Variants in COMMD10 observed in about 807,000 individuals in gnomAD.
COMMD10 encodes COMM domain containing 10.
A neutral mutation model predicts 28.9 loss-of-function variants in COMMD10; 33 were observed. That is an observed-to-expected ratio of 1.14 (90% CI 0.87 to 1.53). The LOEUF (loss-of-function observed/expected upper bound fraction) is 1.53. Among genes scored for constraint, COMMD10 ranks in the 40% most tolerant of loss-of-function variants. COMMD10 has a pLI of 0.00. For missense variants in COMMD10, 310 were observed against 233.4 expected (o/e 1.33, Z -2.14); for synonymous variants, 110 against 81.7 (o/e 1.35, Z -1.87).
chr5:116,221,569 A>G (rs996216664), intron 5 of COMMD10, among the ~76,000 whole-genome samples: 43 of 152,166 alleles, frequency 2.8e-4, no homozygotes, highest in Admixed American at 1.3e-4. Flanking sequence ...CTGTGTTTTC[A>G]AGATCTCTTA....
chr5:116,121,165 T>A (rs1033037197), intron 4 of COMMD10, among the ~76,000 whole-genome samples: 2 of 151,958 alleles, frequency 1.3e-5, no homozygotes, highest in Middle Eastern at 3.4e-3. Context: ...CCGTGTGTGA[T>A]GTTCCCCTTC....
intron 5 of COMMD10, among the ~76,000 whole-genome samples, chr5:116,139,613 A>G (rs1472337274): frequency 1.3e-5 from 2 of 151,156 alleles, no homozygotes; most frequent in East Asian, 3.9e-4. Context: ...TCATTGAAGT[A>G]TCACGTATCA....
chr5:116,233,221 G>T (rs1284509578), intron 5 of COMMD10, among the ~76,000 whole-genome samples: 2 of 152,026 alleles, frequency 1.3e-5, no homozygotes, highest in Non-Finnish European at 2.9e-5. Context: ...GAGAGAGAAA[G>T]ACTACATTCT....
chr5:116,146,435 T>C (rs1407078642), intron 5 of COMMD10, among the ~76,000 whole-genome samples: 1 of 151,862 alleles, frequency 6.6e-6, no homozygotes, highest in East Asian at 1.9e-4. Flanking sequence ...TGGTGATTTT[T>C]GGAATTGTTT....
intron 5 of COMMD10, among the ~76,000 whole-genome samples, chr5:116,225,252 T>C (rs374209092): frequency 1.2e-4 from 19 of 152,132 alleles, no homozygotes; most frequent in African/African-American, 4.3e-4. Flanking sequence ...TGAATTACTT[T>C]ACTTGCTAAA....
In COMMD10 at chr5:116,197,798, G is replaced by A. The variant is rs148453635; in HGVS notation, c.510+63620G>A. ...AGTATAGTTCCCTGTGAAATAGCCA[G>A]TTACCCTTTGAGTAGACTCCAGTTC... is the stretch of plus-strand genomic sequence containing the variant. On this transcript the variant is annotated intron_variant, in intron 5 of 6. Coordinates refer to ENST00000274458, the MANE Select transcript of COMMD10 (RefSeq NM_016144.4). Among the ~76,000 whole-genome samples the A allele has an allele frequency of 2.6e-3, 403 of 152,260 alleles. 2 individuals carry two copies. The highest frequency in any genetic ancestry group is 9.2e-3 in the African/African-American group (382 of 41,548).
chr5:116,292,459 T>C lies in COMMD10; in HGVS notation c.579T>C (p.Thr193=), dbSNP rs1353503390. 6.4e-7 allele frequency: 1 copy of C among 1,555,428 alleles called. No individual in the cohort carries two copies. The highest frequency in any genetic ancestry group is 1.2e-5 in the South Asian group (1 of 82,866). ...TTTGTCTTTGTAAATAGCTAGAGAC[T>C]ATACAAGCACAGCTGGATTCCCTTA... is the stretch of plus-strand genomic sequence containing the variant. ...ELFDFYNKLE[T]IQAQLDSLT is the part of the protein sequence containing the mutation. The change falls in exon 7 of 7, where the codon ACT becomes ACC. Residue 193 remains threonine (T), a synonymous_variant. Coordinates refer to ENST00000274458, the MANE Select transcript of COMMD10 (RefSeq NM_016144.4).
intron 5 of COMMD10, among the ~76,000 whole-genome samples, chr5:116,207,387 A>G (rs1361294339): frequency 2.6e-5 from 4 of 152,168 alleles, no homozygotes; most frequent in Non-Finnish European, 4.4e-5. Flanking sequence ...ATAGTGAGAG[A>G]TCTGTTACTT....
chr5:116,103,112 C>T (rs1750720697), intron 4 of COMMD10, among the ~76,000 whole-genome samples: 1 of 152,006 alleles, frequency 6.6e-6, no homozygotes, highest in South Asian at 2.1e-4. Context: ...CTGTTGTGAA[C>T]AGTGCTGCAA....
intron 5 of COMMD10, among the ~76,000 whole-genome samples, chr5:116,265,101 A>T (rs1383548129): frequency 6.6e-6 from 1 of 151,738 alleles, no homozygotes; most frequent in Non-Finnish European, 1.5e-5. Flanking sequence ...AAATAACACA[A>T]TTTTGCATTA....
intron 4 of COMMD10, among the ~76,000 whole-genome samples, chr5:116,123,278 AG>A (rs1320123642): frequency 1.3e-5 from 2 of 152,146 alleles, no homozygotes; most frequent in Admixed American, 1.3e-4. Flanking sequence ...TTTAGCATGA[AG>A]GGCTGTTGAA....
At chr5:116,147,793 A>T (rs894960306) in intron 5 of COMMD10, among the ~76,000 whole-genome samples, 1 of 151,886 alleles carries the variant, frequency 6.6e-6, no homozygotes, top group Non-Finnish European at 1.5e-5. Context: ...GAGGAAAAAT[A>T]AAAAAATGTA....
At position 116,249,158 on chromosome 5, in the gene COMMD10, G is replaced by A. The variant is rs137962374; in HGVS notation, c.511-42359G>A. Among the ~76,000 whole-genome samples the A allele has an allele frequency of 7.4e-4, 112 of 151,698 alleles. No individual in the cohort carries two copies. In the Middle Eastern group the frequency reaches 0.014, roughly 18 times the overall value. ...AATTCTTATTACCTTGGTATATTTG[G>A]GACTGCTATGGTTGGGGCTATTTCA... On this transcript the variant is annotated intron_variant, in intron 5 of 6. Coordinates refer to ENST00000274458, the MANE Select transcript of COMMD10 (RefSeq NM_016144.4).
In COMMD10 at chr5:116,125,686, C is replaced by G. The variant is rs184260264; in HGVS notation, c.400-8382C>G. ...ATTCTCCCTGTCACTTTCAGGTGCA[C>G]CAATCAGATATAGATTTGGTCTTTT... is the stretch of plus-strand genomic sequence containing the variant. On this transcript the variant is annotated intron_variant, in intron 4 of 6. Coordinates refer to ENST00000274458, the MANE Select transcript of COMMD10 (RefSeq NM_016144.4). Among the ~76,000 whole-genome samples the G allele has an allele frequency of 2.6e-3, 401 of 152,224 alleles. 2 individuals carry two copies. The highest frequency in any genetic ancestry group is 9.1e-3 in the African/African-American group (380 of 41,546).
At chr5:116,110,461 T>C (rs1751007104) in intron 4 of COMMD10, among the ~76,000 whole-genome samples, 2 of 152,196 alleles carry the variant, frequency 1.3e-5, no homozygotes, top group African/African-American at 4.8e-5. Context: ...TCTTTGTATG[T>C]TTGGCAGAAT....
intron 5 of COMMD10, among the ~76,000 whole-genome samples, chr5:116,283,678 A>T (rs1191040599): frequency 6.6e-6 from 1 of 151,788 alleles, no homozygotes; most frequent in Non-Finnish European, 1.5e-5. Context: ...CAAAATAACA[A>T]CTTTTTAACC....
chr5:116,251,443 TC>T (rs1378957867), intron 5 of COMMD10, among the ~76,000 whole-genome samples: 2 of 69,640 alleles, frequency 2.9e-5, no homozygotes, highest in African/African-American at 1.0e-4. Flanking sequence ...CCCTCCCCCT[TC>T]CCCCCACCAC....
intron 5 of COMMD10, among the ~76,000 whole-genome samples, chr5:116,204,203 A>G (rs1038233014): frequency 1.3e-5 from 2 of 152,200 alleles, no homozygotes; most frequent in African/African-American, 4.8e-5. Context: ...TCCTAAATAT[A>G]TATGCACCCA....
intron 4 of COMMD10, among the ~76,000 whole-genome samples, chr5:116,114,042 A>G (rs182570016): frequency 2.0e-5 from 3 of 152,052 alleles, no homozygotes; most frequent in East Asian, 3.9e-4. Flanking sequence ...ATTCTTGGCT[A>G]TAAATATTGT....
Sources: allele counts gnomAD v4.1 joint callset (sites outside exome capture counted in the v4.1 genomes callset), GRCh38; gene constraint gnomAD v4.1.1; transcripts MANE v1.5; gene names NCBI Gene and HGNC (gene_info 2026-07-23, HGNC 2026-07-21).